The following GUCY2F variants were observed in gnomAD, a reference collection of about 807,000 sequenced individuals.
The protein encoded by GUCY2F is guanylate cyclase 2F, retinal.
In GUCY2F, 61 loss-of-function variants were observed where a neutral mutation model predicts 73.1. The ratio of observed to expected loss-of-function variants is 0.83; its 90% confidence interval spans 0.68 to 1.03. The LOEUF (loss-of-function observed/expected upper bound fraction) is 1.03. Among genes scored for constraint, GUCY2F ranks in the 50% least tolerant of loss-of-function variants. The pLI is 0.00. For synonymous variants in GUCY2F, 331 were observed against 307.8 expected, an observed-to-expected ratio of 1.08 and a Z score of -0.79; for missense variants, 912 against 854.3, an observed-to-expected ratio of 1.07 and a Z score of -0.84.
rs1931210958 is a variant in GUCY2F, at chrX:109,415,133, A to C, written c.1792-5965T>G. On this transcript the variant is annotated intron_variant, in intron 8 of 19. Coordinates refer to ENST00000218006, the MANE Select transcript of GUCY2F (RefSeq NM_001522.3). ...AAAACCACTGGGGACATGTAGGTGC[A>C]AAAAAAGAATCTAAAACTCAAAGAT... Among the ~76,000 whole-genome samples, 6 of 111,198 alleles carry C rather than the reference A, an allele frequency of 5.4e-5. No homozygotes were observed. In the Admixed American group the frequency reaches 5.7e-4, roughly 11 times the overall value.
At chrX:109,463,520 C>A (rs1932405884) in intron 3 of GUCY2F, among the ~76,000 whole-genome samples, 1 of 104,911 alleles carries the variant, frequency 9.5e-6, no homozygotes, top group Non-Finnish European at 1.9e-5. Flanking sequence ...TCACTGCAAG[C>A]TCTGCCTCCT....
intron 10 of GUCY2F, among the ~76,000 whole-genome samples, chrX:109,400,477 TA>T (rs1930813922): frequency 8.9e-6 from 1 of 111,994 alleles, no homozygotes; most frequent in African/African-American, 3.3e-5. Context: ...AACAAAGTCC[TA>T]TGAAATAGGA....
chrX:109,470,107 A>C (rs192236104), intron 2 of GUCY2F, among the ~76,000 whole-genome samples: 176 of 112,037 alleles, frequency 1.6e-3, no homozygotes, highest in Non-Finnish European at 2.3e-3. Flanking sequence ...TGCAATTTGT[A>C]CAGCAATGTT....
intron 8 of GUCY2F, among the ~76,000 whole-genome samples, chrX:109,428,574 T>C (rs1330951656): frequency 8.9e-6 from 1 of 111,819 alleles, no homozygotes; most frequent in Admixed American, 9.5e-5. Context: ...TGAGACTGGA[T>C]TGGAAACTGA....
chrX:109,384,474 A>G (rs1398367268), intron 16 of GUCY2F, among the ~76,000 whole-genome samples: 1 of 112,385 alleles, frequency 8.9e-6, no homozygotes, highest in Non-Finnish European at 1.9e-5. Context: ...TAACCGAGTA[A>G]GAGTTGAGCC....
chrX:109,404,428 G>T lies in GUCY2F; in HGVS notation c.2025C>A (p.Asn675Lys). The T allele has an allele frequency of 8.4e-7, 1 of 1,192,004 alleles. No homozygotes were observed. The highest frequency in any genetic ancestry group is 1.1e-6 in the Non-Finnish European group (1 of 877,830). ...EFVHGRLKSR[N>K]CVVDGRFVLK... ...GTACAAAACGCCCATCTACCACACAGTTTCGAGACTTTAGCCTCCCATGAA... is the reference window on the plus strand; with the variant it reads ...GTACAAAACGCCCATCTACCACACATTTTCGAGACTTTAGCCTCCCATGAA... The change falls in exon 10 of 20, where the codon AAC becomes AAA. Residue 675 changes from asparagine (N) to lysine (K), a missense_variant. Physicochemically the swap from Asn to Lys is moderately conservative, Grantham distance 94 (BLOSUM62 0). Transcript: ENST00000218006.
At chrX:109,395,579 G>T in intron 11 of GUCY2F, 90 bp from the exon 12 acceptor site, 2 of 745,857 alleles carry the variant, frequency 2.7e-6, no homozygotes, top group Non-Finnish European at 2.0e-6. Context: ...CCAAGAAGGG[G>T]GTAGGTTAGG....
chrX:109,476,977 T>A (rs1932713416), intron 1 of GUCY2F, among the ~76,000 whole-genome samples: 1 of 110,811 alleles, frequency 9.0e-6, no homozygotes, highest in Admixed American at 9.7e-5. Flanking sequence ...GATTGAATAC[T>A]GTACCCAATG....
chrX:109,385,299 G>A lies in GUCY2F; in HGVS notation c.2957-17C>T, dbSNP rs181214760. ...CAACCGGCCCTATAGAGTATCAGGGGGTTGGAATTACAGTCAACAGGTATG... is the reference window on the plus strand; with the variant it reads ...CAACCGGCCCTATAGAGTATCAGGGAGTTGGAATTACAGTCAACAGGTATG... On this transcript the variant is annotated splice_polypyrimidine_tract_variant and intron_variant, in intron 15 of 19. Transcript: ENST00000218006. 61 of 950,687 alleles carry A rather than the reference G, an allele frequency of 6.4e-5. No individual in the cohort carries two copies. The African/African-American group carries it at 8.5e-4, about 13-fold the overall frequency. 78.3% of individuals were successfully genotyped at this position (950,687 alleles called of 1,213,427 possible).
At chrX:109,458,559 C>T (rs1273654893) in intron 3 of GUCY2F, among the ~76,000 whole-genome samples, 1 of 111,101 alleles carries the variant, frequency 9.0e-6, no homozygotes, top group Non-Finnish European at 1.9e-5. Flanking sequence ...GTCCCTTGTC[C>T]TAGTTTTGAA....
intron 16 of GUCY2F, among the ~76,000 whole-genome samples, chrX:109,384,895 C>T (rs1383863727): frequency 9.0e-6 from 1 of 111,424 alleles, no homozygotes; most frequent in Non-Finnish European, 1.9e-5. Context: ...ACCCAAAATA[C>T]TATTTTAGCT....
chrX:109,477,711 G>A (rs747792279), intron 1 of GUCY2F, among the ~76,000 whole-genome samples: 5 of 112,124 alleles, frequency 4.5e-5, no homozygotes, highest in Non-Finnish European at 9.4e-5. Flanking sequence ...CTTCAGGGCT[G>A]ATAATCAGCG....
At chrX:109,452,221 C>A in intron 4 of GUCY2F, 114 bp from the exon 5 acceptor site, 4 of 494,341 alleles carry the variant, frequency 8.1e-6, no homozygotes, top group Admixed American at 3.5e-5. Context: ...CAAGCCACAT[C>A]TACCTAACCT....
chrX:109,459,537 C>A (rs1160513974), intron 3 of GUCY2F, among the ~76,000 whole-genome samples: 2 of 111,070 alleles, frequency 1.8e-5, no homozygotes, highest in Admixed American at 1.9e-4. Flanking sequence ...GGGCACTAGA[C>A]GAAAAGGAAG....
Position 109,475,907 on chromosome X carries a change from G to A in GUCY2F, c.30C>T (p.Arg10=). 1.7e-6 allele frequency: 2 copies of A among 1,206,379 alleles called. No homozygotes were observed. The highest frequency in any genetic ancestry group is 2.2e-6 in the Non-Finnish European group (2 of 893,277). The change falls in exon 2 of 20, where the codon CGC becomes CGT. Residue 10 remains arginine (R), a synonymous_variant. Coordinates refer to ENST00000218006, the MANE Select transcript of GUCY2F (RefSeq NM_001522.3). The part of the protein sequence containing the change: MFLGLGRFS[R]LVLWFAAFRK... Reference sequence around the variant, plus strand: ...TGAAAGCCGCAAACCAGAGAACAAGGCGAGAAAAGCGCCCGAGTCCCAGGA... The same window carrying A: ...TGAAAGCCGCAAACCAGAGAACAAGACGAGAAAAGCGCCCGAGTCCCAGGA...
At position 109,409,056 on chromosome X, in the gene GUCY2F, A is replaced by C; in HGVS notation, c.1904T>G (p.Leu635Arg). The change falls in exon 9 of 20, where the codon CTG (leucine) becomes CGG (arginine). Residue 635 changes from leucine (L) to arginine (R), a missense_variant. By Grantham distance (102) the Leu-to-Arg change is moderately radical. Coordinates refer to ENST00000218006, the MANE Select transcript of GUCY2F (RefSeq NM_001522.3). ...FCSRGSLEDI[L>R]TNQDVKLDWM... Reference sequence around the variant, plus strand: ...GTCAAGTTTCACATCTTGATTTGTCAGTATGTCTTCTAGGCTCCCTCGGGA... The same window carrying C: ...GTCAAGTTTCACATCTTGATTTGTCCGTATGTCTTCTAGGCTCCCTCGGGA... 4.5e-6 allele frequency: 5 copies of C among 1,121,695 alleles called. No individual in the cohort carries two copies. The highest frequency in any genetic ancestry group is 6.1e-6 in the Non-Finnish European group (5 of 813,184). The allele number at this position is 1,121,695 out of a possible 1,213,427, so 92.4% of individuals were successfully genotyped here.
intron 8 of GUCY2F, among the ~76,000 whole-genome samples, chrX:109,430,000 C>T (rs745975556): frequency 8.9e-5 from 10 of 112,306 alleles, no homozygotes; most frequent in Non-Finnish European, 1.7e-4. Flanking sequence ...CCTCATCCAA[C>T]CTAAAGGGTA....
Position 109,391,949 on chromosome X carries a change from G to A in GUCY2F, c.2743C>T (p.Leu915Phe). The change falls in exon 14 of 20, where the codon CTC becomes TTC. Residue 915 changes from leucine (L) to phenylalanine (F), a missense_variant. By Grantham distance (22) the Leu-to-Phe change is conservative. Coordinates refer to ENST00000218006, the MANE Select transcript of GUCY2F (RefSeq NM_001522.3). ...VVDLLNDLYTLFDAIIGSHDV... is the reference protein window; with the variant it reads ...VVDLLNDLYTFFDAIIGSHDV... ...TGACTGCCAATTATTGCATCAAAGA[G>A]TGTGTACAGGTCATTCAGAAGATCC... is the stretch of plus-strand genomic sequence containing the variant. The A allele has an allele frequency of 8.3e-7, 1 of 1,205,581 alleles. No individual in the cohort carries two copies.
intron 11 of GUCY2F, among the ~76,000 whole-genome samples, chrX:109,397,901 A>G (rs1467523361): frequency 9.1e-6 from 1 of 110,285 alleles, no homozygotes; most frequent in Admixed American, 9.7e-5. Context: ...TATCATGTCA[A>G]TGGGTACATA....
Sources: gnomAD v4.1 joint callset for allele counts (sites outside exome capture counted in the v4.1 genomes callset) on GRCh38, gnomAD v4.1.1 for gene constraint, MANE v1.5 for transcripts, NCBI Gene and HGNC (gene_info 2026-07-23, HGNC 2026-07-21) for gene names.